The following AAK1 variants were observed in gnomAD, a reference collection of about 807,000 sequenced individuals.
AAK1 encodes AP2 associated kinase 1.
Under a neutral mutation model 116.0 loss-of-function variants are expected in AAK1, and 37 were observed. The observed-to-expected ratio is 0.32, with a 90% confidence interval of 0.25 to 0.42. AAK1 has a LOEUF of 0.42. Ranked by LOEUF, AAK1 falls within the 10% of genes least tolerant of loss-of-function variation. AAK1 has a pLI of 1.00. For missense variants in AAK1, 919 were observed against 1,170.6 expected (o/e 0.79, Z 3.14); for synonymous variants, 458 against 439.9 (o/e 1.04, Z -0.51).
At chr2:69,578,696 C>CT (rs1672418166) in intron 2 of AAK1, among the ~76,000 whole-genome samples, 1 of 152,108 alleles carries the variant, frequency 6.6e-6, no homozygotes, top group Non-Finnish European at 1.5e-5. Flanking sequence ...CGTTTAGGGA[C>CT]TTCACTCCCT....
At chr2:69,500,070 T>C (rs189105805) in intron 16 of AAK1, 4 of 152,320 alleles carry the variant, frequency 2.6e-5, no homozygotes, top group African/African-American at 7.2e-5. Flanking sequence ...AAATGTTTAA[T>C]ATAGCCCCGT....
At chr2:69,602,773 T>C (rs745573785) in intron 2 of AAK1, among the ~76,000 whole-genome samples, 9 of 152,002 alleles carry the variant, frequency 5.9e-5, no homozygotes, top group Non-Finnish European at 1.2e-4. Context: ...TTCCAATCAT[T>C]GTGCCTCACA....
At position 69,461,780 on chromosome 2, in the gene AAK1, C is replaced by A; in HGVS notation, c.*14089G>T. 3.3e-6 allele frequency: 1 copy of A among 305,164 alleles called. No individual in the cohort carries two copies. Among genetic ancestry groups the A allele is most frequent in the Non-Finnish European group, 6.5e-6 (1 of 154,210 alleles). The allele number at this position is 305,164 out of a possible 1,614,324, so 18.9% of individuals were successfully genotyped here. On this transcript the variant is annotated 3_prime_UTR_variant, in exon 22 of 22. Transcript: ENST00000409085. ...CTACTTTTTGTATTTTTGGTAGAGACAGGGTTTCACCATGTTGGCCAGGCT... is the reference window on the plus strand; with the variant it reads ...CTACTTTTTGTATTTTTGGTAGAGAAAGGGTTTCACCATGTTGGCCAGGCT...
chr2:69,553,188 G>A (rs1001242699), intron 3 of AAK1, among the ~76,000 whole-genome samples: 1 of 151,930 alleles, frequency 6.6e-6, no homozygotes, highest in East Asian at 1.9e-4. Flanking sequence ...ATACACAAAG[G>A]CATATCATGA....
chr2:69,483,615 G>T (rs1675180641), intron 17 of AAK1, among the ~76,000 whole-genome samples: 1 of 151,964 alleles, frequency 6.6e-6, no homozygotes, highest in African/African-American at 2.4e-5. Context: ...GGTTGGGGGG[G>T]ACTTTATTTA....
intron 2 of AAK1, among the ~76,000 whole-genome samples, chr2:69,578,913 C>T (rs1394277686): frequency 6.6e-6 from 1 of 151,826 alleles, no homozygotes; most frequent in East Asian, 1.9e-4. Context: ...ACGCAGTTCT[C>T]CTGCCTCAGC....
chr2:69,538,711 G>A (rs142114772), intron 5 of AAK1, among the ~76,000 whole-genome samples: 6,396 of 152,114 alleles, frequency 0.042, 460 homozygotes, highest in African/African-American at 0.15. Context: ...GTGAAACCCC[G>A]TCTCTACTAA....
chr2:69,637,750 C>T (rs1488294562), intron 2 of AAK1, among the ~76,000 whole-genome samples: 7 of 152,110 alleles, frequency 4.6e-5, no homozygotes, highest in Non-Finnish European at 8.8e-5. Flanking sequence ...GTTAAAATGA[C>T]GGCTCTGATG....
intron 20 of AAK1, among the ~76,000 whole-genome samples, chr2:69,478,247 G>C (rs1460705330): frequency 6.6e-6 from 1 of 152,086 alleles, no homozygotes; most frequent in Non-Finnish European, 1.5e-5. Flanking sequence ...TACATTCTAA[G>C]GCCAACAAGC....
intron 18 of AAK1, chr2:69,482,395 G>A: frequency 3.6e-6 from 2 of 557,148 alleles, no homozygotes; most frequent in Non-Finnish European, 6.3e-6. Flanking sequence ...ATTTCATTAA[G>A]TTCAGTAAAG....
intron 2 of AAK1, among the ~76,000 whole-genome samples, chr2:69,630,828 CTGAGTTA>C (rs1457423342): frequency 6.6e-6 from 1 of 152,198 alleles, no homozygotes; most frequent in Non-Finnish European, 1.5e-5. Flanking sequence ...ATAATCATTA[CTGAGTTA>C]CACCTGGTCA....
Position 69,643,018 on chromosome 2 carries a change from C to T in AAK1, c.23G>A (p.Arg8Gln), listed in dbSNP as rs759312483. The change falls in exon 2 of 22, where the codon CGG becomes CAG. Residue 8 changes from arginine (R) to glutamine (Q), a missense_variant. Physicochemically the swap from Arg to Gln is conservative, Grantham distance 43. Coordinates refer to ENST00000409085, the MANE Select transcript of AAK1 (RefSeq NM_014911.5). ...CAGGCCAGAGCCGCCCTGCTCTCGCCGGGAGTCGAAAAACTTCTTCATCTT... is the reference window on the plus strand; with the variant it reads ...CAGGCCAGAGCCGCCCTGCTCTCGCTGGGAGTCGAAAAACTTCTTCATCTT... MKKFFDS[R>Q]REQGGSGLGS... 1.2e-6 allele frequency: 2 copies of T among 1,608,460 alleles called. No homozygotes were observed. Among genetic ancestry groups the T allele is most frequent in the Admixed American group, 1.7e-5 (1 of 58,948 alleles).
chr2:69,513,325 C>CTT (rs374957512), intron 13 of AAK1, among the ~76,000 whole-genome samples: 23 of 145,806 alleles, frequency 1.6e-4, no homozygotes, highest in South Asian at 4.3e-4. Flanking sequence ...AAGATGGTTT[C>CTT]TTTTTTTTTT....
intron 16 of AAK1, 67 bp downstream of exon 16, chr2:69,505,502 G>T (rs1676149239): frequency 5.6e-6 from 7 of 1,254,210 alleles, no homozygotes; most frequent in Middle Eastern, 1.9e-4. Context: ...AGAGTTATCT[G>T]TGGAGTAAAA....
Position 69,458,993 on chromosome 2 carries a change from A to G in AAK1, c.*16876T>C, listed in dbSNP as rs928138384. On this transcript the variant is annotated 3_prime_UTR_variant, in exon 22 of 22. Transcript: ENST00000409085. Reference sequence around the variant, plus strand: ...GAACATTGTCAAAACTGGGGTACACATCCTTCTATTAGAAATGGCTGGGGG... The same window carrying G: ...GAACATTGTCAAAACTGGGGTACACGTCCTTCTATTAGAAATGGCTGGGGG... The G allele has an allele frequency of 2.0e-5, 3 of 152,232 alleles. No homozygotes were observed. The highest frequency in any genetic ancestry group is 7.2e-5 in the African/African-American group (3 of 41,460). The allele number at this position is 152,232 out of a possible 1,614,324, so 9.4% of individuals were successfully genotyped here. A position where few individuals can be genotyped will look rare whatever the true frequency, so the allele number is the denominator to read the frequency against.
chr2:69,585,432 T>C (rs1376668167), intron 2 of AAK1, among the ~76,000 whole-genome samples: 1 of 152,168 alleles, frequency 6.6e-6, no homozygotes, highest in African/African-American at 2.4e-5. Context: ...CTGGTTAACA[T>C]TTATGCTTCG....
At chr2:69,512,492 TG>T (rs1468417410) in intron 13 of AAK1, among the ~76,000 whole-genome samples, 1 of 152,254 alleles carries the variant, frequency 6.6e-6, no homozygotes, top group Non-Finnish European at 1.5e-5. Context: ...CCAAATTCTC[TG>T]GGCTATTATT....
chr2:69,496,273 G>GTT (rs1182573863), intron 16 of AAK1, among the ~76,000 whole-genome samples, 193 bp from the exon 17 acceptor site: 4,065 of 136,536 alleles, frequency 0.03, 229 homozygotes, highest in African/African-American at 0.1. Context: ...AATCTGGCCC[G>GTT]TTTTTTTTTT....
Position 69,459,707 on chromosome 2 carries a change from A to T in AAK1, c.*16162T>A, listed in dbSNP as rs975312197. 1 of 152,254 alleles carries T rather than the reference A, an allele frequency of 6.6e-6. No individual in the cohort carries two copies. Among genetic ancestry groups the T allele is most frequent in the Non-Finnish European group, 1.5e-5 (1 of 68,044 alleles). The allele number at this position is 152,254 out of a possible 1,614,324, so 9.4% of individuals were successfully genotyped here. A position where few individuals can be genotyped will look rare whatever the true frequency, so the allele number is the denominator to read the frequency against. On this transcript the variant is annotated 3_prime_UTR_variant, in exon 22 of 22. Coordinates refer to ENST00000409085, the MANE Select transcript of AAK1 (RefSeq NM_014911.5). ...ATGCACTTATTGACATGCTCAAAAT[A>T]GGGGAATGTTAAGTAAGGAAATGAA... is the stretch of plus-strand genomic sequence containing the variant.
Sources: allele counts gnomAD v4.1 joint callset (sites outside exome capture counted in the v4.1 genomes callset), GRCh38; gene constraint gnomAD v4.1.1; transcripts MANE v1.5; gene names NCBI Gene and HGNC (gene_info 2026-07-23, HGNC 2026-07-21).